ROCK2: variants seen among roughly 807,000 people sequenced by gnomAD.
ROCK2 encodes the protein rho-associated protein kinase 2.
Under a neutral mutation model 195.1 loss-of-function variants are expected in ROCK2, and 61 were observed. The ratio of observed to expected loss-of-function variants is 0.31; its 90% CI spans 0.25 to 0.39. The LOEUF (loss-of-function observed/expected upper bound fraction) is 0.39. Among genes scored for constraint, ROCK2 ranks in the 10% least tolerant of loss-of-function variants. ROCK2 has a pLI of 1.00. For missense variants in ROCK2, 1,109 were observed against 1,637.4 expected (o/e 0.68, Z 5.57); for synonymous variants, 504 against 545.5 (o/e 0.92, Z 1.06).
intron 8 of ROCK2, among the ~76,000 whole-genome samples, chr2:11,221,871 TAA>T (rs1664650647): frequency 6.6e-6 from 1 of 152,184 alleles, no homozygotes; most frequent in African/African-American, 2.4e-5. Context: ...ATGTTTATTG[TAA>T]AAGTGTTGAG....
chr2:11,227,239 A>T lies in ROCK2; in HGVS notation c.868+15T>A. 6.3e-7 allele frequency: 1 copy of T among 1,597,648 alleles called. No homozygotes were observed. Among genetic ancestry groups the T allele is most frequent in the Non-Finnish European group, 8.5e-7 (1 of 1,171,806 alleles). On this transcript the variant is annotated intron_variant, in intron 6 of 32. Transcript: ENST00000315872. ...AAGAAGCATTTTGAAAAAAGAAGTT[A>T]AAATATTTACTTACCCACTAGCATC... is the stretch of plus-strand genomic sequence containing the variant.
At chr2:11,237,271 A>C (rs1263588563) in intron 4 of ROCK2, among the ~76,000 whole-genome samples, 1 of 152,230 alleles carries the variant, frequency 6.6e-6, no homozygotes, top group Non-Finnish European at 1.5e-5. Flanking sequence ...AGAATTCACT[A>C]TATGACTGAT....
chr2:11,236,683 T>G lies in ROCK2; in HGVS notation c.463-721A>C, dbSNP rs914559698. ...TCTACCAAACAGTATGTCACACCCC[T>G]CCCAGAAACAAGCAATGCAAACACA... On this transcript the variant is annotated intron_variant, in intron 4 of 32. Coordinates refer to ENST00000315872, the MANE Select transcript of ROCK2 (RefSeq NM_004850.5). 6.6e-5 allele frequency among the ~76,000 whole-genome samples: 10 copies of G among 151,668 alleles called. No individual in the cohort carries two copies. The South Asian group carries it at 1.0e-3, about 16-fold the overall frequency.
chr2:11,317,064 AT>A (rs1276233367), intron 1 of ROCK2, among the ~76,000 whole-genome samples: 8 of 152,154 alleles, frequency 5.3e-5, no homozygotes, highest in Admixed American at 5.2e-4. Flanking sequence ...ATAAGGTTAA[AT>A]TATCATGAGT....
At position 11,194,321 on chromosome 2, in the gene ROCK2, CT is replaced by C; in HGVS notation, c.3542del (p.Lys1181ArgfsTer20). ...VKKYVIVSSK[K>X]ILFYDSEQDK... ...CTTGTTCACTGTCATAGAAAAGAAT[CT>C]TCTTACTGCTTACAATCACATACTG... On this transcript the variant is annotated frameshift_variant, in exon 29 of 33. Coordinates refer to ENST00000315872, the MANE Select transcript of ROCK2 (RefSeq NM_004850.5). LOFTEE classifies it high-confidence loss of function. 6.9e-7 allele frequency: 1 copy of C among 1,450,544 alleles called. No individual in the cohort carries two copies. Among genetic ancestry groups the C allele is most frequent in the Non-Finnish European group, 9.3e-7 (1 of 1,071,592 alleles). 89.9% of individuals were successfully genotyped at this position (1,450,544 alleles called of 1,614,324 possible).
chr2:11,275,695 CTTTTTTT>C (rs70953379), intron 3 of ROCK2, among the ~76,000 whole-genome samples: 6 of 110,208 alleles, frequency 5.4e-5, no homozygotes, highest in Non-Finnish European at 7.2e-5. Context: ...ATTCAACAAT[CTTTTTTT>C]TTTTTTTTTT....
At chr2:11,248,232 G>C (rs986913747) in intron 4 of ROCK2, among the ~76,000 whole-genome samples, 6 of 150,804 alleles carry the variant, frequency 4.0e-5, no homozygotes, top group Admixed American at 2.6e-4. Flanking sequence ...GATGGGGGGA[G>C]GGGAATCTGA....
Position 11,181,938 on chromosome 2 carries a change from A to C in ROCK2, c.*1499T>G, listed in dbSNP as rs1018300294. ...GTAAGCCACCATGCCTGGCCAGATGATGTATTTAAATATCATACCAAACTC... is the reference window on the plus strand; with the variant it reads ...GTAAGCCACCATGCCTGGCCAGATGCTGTATTTAAATATCATACCAAACTC... On this transcript the variant is annotated 3_prime_UTR_variant, in exon 33 of 33. Coordinates refer to ENST00000315872, the MANE Select transcript of ROCK2 (RefSeq NM_004850.5). The C allele has an allele frequency of 3.3e-5, 5 of 151,942 alleles. No individual in the cohort carries two copies. The highest frequency in any genetic ancestry group is 1.2e-4 in the African/African-American group (5 of 41,390). 9.4% of individuals were successfully genotyped at this position (151,942 alleles called of 1,614,324 possible).
chr2:11,321,418 C>T (rs1668396087), intron 1 of ROCK2, among the ~76,000 whole-genome samples: 1 of 151,414 alleles, frequency 6.6e-6, no homozygotes, highest in Non-Finnish European at 1.5e-5. Context: ...CCCAGTGATC[C>T]ATCCGCCTCA....
At chr2:11,212,342 C>CA (rs1664279744) in intron 17 of ROCK2, among the ~76,000 whole-genome samples, 1 of 152,188 alleles carries the variant, frequency 6.6e-6, no homozygotes, top group African/African-American at 2.4e-5. Context: ...CAACAGTCTA[C>CA]ACCACCACTC....
At position 11,211,948 on chromosome 2, in the gene ROCK2, C is replaced by T. The variant is rs1389231358; in HGVS notation, c.2044-108G>A. 7.5e-6 allele frequency: 6 copies of T among 802,438 alleles called. No homozygotes were observed. In the East Asian group the frequency reaches 1.7e-4, roughly 23 times the overall value. The allele number at this position is 802,438 out of a possible 1,614,324, so 49.7% of individuals were successfully genotyped here. ...TGAGACAGAGTCTTGCTCTGTTACCCAGGCTGAAGTGCAGTGGTTTGATTA... is the reference window on the plus strand; with the variant it reads ...TGAGACAGAGTCTTGCTCTGTTACCTAGGCTGAAGTGCAGTGGTTTGATTA... On this transcript the variant is annotated intron_variant, in intron 17 of 32. Transcript: ENST00000315872.
At chr2:11,298,016 CTG>C (rs1667588328) in intron 1 of ROCK2, among the ~76,000 whole-genome samples, 1 of 152,078 alleles carries the variant, frequency 6.6e-6, no homozygotes, top group Admixed American at 6.5e-5. Context: ...CTGGAAAATT[CTG>C]TTTCTTGACC....
intron 3 of ROCK2, among the ~76,000 whole-genome samples, chr2:11,275,675 A>G (rs1666798784): frequency 6.7e-6 from 1 of 150,056 alleles, no homozygotes; most frequent in Admixed American, 6.7e-5. Context: ...GAGAAAACAC[A>G]TTTCACAAAA....
intron 4 of ROCK2, among the ~76,000 whole-genome samples, chr2:11,248,921 G>A (rs989252419): frequency 3.3e-5 from 5 of 151,696 alleles, no homozygotes; most frequent in African/African-American, 1.2e-4. Context: ...GTTTTAGACG[G>A]AGTCTTGCTC....
intron 1 of ROCK2, among the ~76,000 whole-genome samples, chr2:11,297,565 T>C (rs1667575608): frequency 6.6e-6 from 1 of 152,120 alleles, no homozygotes; most frequent in South Asian, 2.1e-4. Context: ...TTTTTCTCTC[T>C]CTTCTCTGAA....
chr2:11,252,965 T>TA, intron 3 of ROCK2, among the ~76,000 whole-genome samples: 1 of 147,342 alleles, frequency 6.8e-6, no homozygotes, highest in Admixed American at 6.8e-5. Flanking sequence ...ATAATAATAA[T>TA]AATAATAATA....
At chr2:11,231,463 C>T (rs571062454) in intron 5 of ROCK2, among the ~76,000 whole-genome samples, 1 of 152,302 alleles carries the variant, frequency 6.6e-6, no homozygotes, top group East Asian at 1.9e-4. Context: ...CCACCTCAGC[C>T]TCCCAAAGTG....
In ROCK2 at chr2:11,181,280, TCTC is replaced by T. The variant is rs1572207314; in HGVS notation, c.*2154_*2156del. 6.7e-6 allele frequency: 1 copy of T among 149,788 alleles called. No homozygotes were observed. The highest frequency in any genetic ancestry group is 2.4e-5 in the African/African-American group (1 of 41,068). The allele number at this position is 149,788 out of a possible 1,614,324, so 9.3% of individuals were successfully genotyped here. A position where few individuals can be genotyped will look rare whatever the true frequency, so the allele number is the denominator to read the frequency against. ...ATCTTTATATAAAATATTAATTCAG[TCTC>T]CTTTTAACAACTCTAATGAATGGAA... is the stretch of plus-strand genomic sequence containing the variant. On this transcript the variant is annotated 3_prime_UTR_variant, in exon 33 of 33. Transcript: ENST00000315872.
chr2:11,333,270 G>C (rs1230559721), intron 1 of ROCK2, among the ~76,000 whole-genome samples: 5 of 152,138 alleles, frequency 3.3e-5, no homozygotes, highest in African/African-American at 1.2e-4. Context: ...TTTTATTTCA[G>C]AGCTGATTCT....
Sources: gnomAD v4.1 joint callset for allele counts (sites outside exome capture counted in the v4.1 genomes callset) on GRCh38, gnomAD v4.1.1 for gene constraint, MANE v1.5 for transcripts, NCBI Gene and HGNC (gene_info 2026-07-23, HGNC 2026-07-21) for gene names.